The following RNF17 variants were observed in gnomAD, a reference collection of about 807,000 sequenced individuals.
RNF17 encodes the protein spermatogenesis associated 23.
Under a neutral mutation model 200.5 loss-of-function variants are expected in RNF17, and 31 were observed. The ratio of observed to expected loss-of-function variants is 0.15; its 90% CI spans 0.12 to 0.21. The LOEUF (loss-of-function observed/expected upper bound fraction) is 0.21. RNF17 is among the 10% of genes least tolerant of loss of function. The pLI is 1.00. For missense variants in RNF17, 1,628 were observed against 1,905.1 expected (o/e 0.85, Z 2.71); for synonymous variants, 606 against 637.8 (o/e 0.95, Z 0.75).
intron 1 of RNF17, among the ~76,000 whole-genome samples, chr13:24,765,382 C>T (rs1009510194): frequency 2.0e-5 from 3 of 152,204 alleles, no homozygotes; most frequent in Non-Finnish European, 4.4e-5. Flanking sequence ...GTTGTTGAAT[C>T]TCAATTCCTG....
downstream of RNF17, chr13:24,883,087 T>C (rs544135785): frequency 5.3e-5 from 62 of 1,172,982 alleles, no homozygotes; most frequent in African/African-American, 5.6e-4. Flanking sequence ...TCCCCACACA[T>C]ACACAATAAA....
At chr13:24,788,905 A>G (rs955238914) in intron 7 of RNF17, among the ~76,000 whole-genome samples, 1 of 152,178 alleles carries the variant, frequency 6.6e-6, no homozygotes, top group Non-Finnish European at 1.5e-5. Context: ...AAATGAAAGG[A>G]CAATTTGCCA....
intron 34 of RNF17, among the ~76,000 whole-genome samples, chr13:24,877,538 T>C (rs1894986673): frequency 1.3e-5 from 2 of 152,168 alleles, no homozygotes; most frequent in Admixed American, 6.5e-5. Context: ...AACAGAGCTA[T>C]AGCTAACTTT....
intron 25 of RNF17, 148 bp from the exon 26 acceptor site, chr13:24,858,853 A>G (rs1593453381): frequency 1.1e-5 from 6 of 564,594 alleles, no homozygotes; most frequent in Middle Eastern, 4.6e-4. Context: ...TGCTATTACT[A>G]GTATGTTTTA....
chr13:24,777,532 C>T (rs1357205099), intron 3 of RNF17, among the ~76,000 whole-genome samples: 2 of 152,104 alleles, frequency 1.3e-5, no homozygotes, highest in African/African-American at 4.8e-5. Flanking sequence ...ACTCTGGCTT[C>T]TATAGACTAG....
At chr13:24,888,448 T>C in the RNF17 span, among the ~76,000 whole-genome samples, 3 of 152,190 alleles carry the variant, frequency 2.0e-5, no homozygotes, top group African/African-American at 7.2e-5. Context: ...GCTGACTAAA[T>C]GTAAGAAAAC....
intron 2 of RNF17, among the ~76,000 whole-genome samples, chr13:24,770,061 C>T (rs949859940): frequency 6.6e-6 from 1 of 151,906 alleles, no homozygotes; most frequent in Middle Eastern, 3.4e-3. Context: ...ATACATTGGG[C>T]CATGAAGAAA....
chr13:24,804,479 T>A, intron 15 of RNF17, 50 bp downstream of exon 15: 1 of 1,384,668 alleles, frequency 7.2e-7, no homozygotes, highest in Non-Finnish European at 9.9e-7. Context: ...AAATTTTAAT[T>A]AGACATGTAT....
chr13:24,799,472 G>A lies in RNF17; in HGVS notation c.1477G>A (p.Gly493Ser). 1 of 1,609,720 alleles carries A rather than the reference G, an allele frequency of 6.2e-7. No homozygotes were observed. The highest frequency in any genetic ancestry group is 8.5e-7 in the Non-Finnish European group (1 of 1,176,480). Residue 493 changes from glycine to serine, a missense_variant, in exon 12 of 36, where the codon GGT (glycine) becomes AGT (serine). Gly to Ser is a moderately conservative substitution (Grantham distance 56). This residue lies in a region of RNF17 where 289 missense variants were observed against 384.9 expected (regional missense o/e 0.75). Transcript: ENST00000255324. Reference protein sequence around the residue: ...GTITELIPIEGRNTRKPCSPT... With the variant: ...GTITELIPIESRNTRKPCSPT... Reference sequence around the variant, plus strand: ...TATCACAGAATTAATTCCAATAGAGGGTAGAAATACCAGAAAACCTTGTAG... The same window carrying A: ...TATCACAGAATTAATTCCAATAGAGAGTAGAAATACCAGAAAACCTTGTAG...
intron 26 of RNF17, among the ~76,000 whole-genome samples, chr13:24,860,899 A>T (rs1306533283): frequency 6.6e-6 from 1 of 150,522 alleles, no homozygotes; most frequent in African/African-American, 2.4e-5. Flanking sequence ...TTTTTTTGAA[A>T]CAAGTTCTTC....
chr13:24,869,208 G>C (rs1893989800), intron 31 of RNF17, among the ~76,000 whole-genome samples: 1 of 152,238 alleles, frequency 6.6e-6, no homozygotes, highest in East Asian at 1.9e-4. Context: ...GTGAATAAAG[G>C]CACTAAAAGT....
chr13:24,786,291 C>T (rs994371767), intron 6 of RNF17, among the ~76,000 whole-genome samples: 2 of 152,148 alleles, frequency 1.3e-5, no homozygotes, highest in Admixed American at 1.3e-4. Context: ...GCATATAAAA[C>T]CTCTACTGCT....
At position 24,843,727 on chromosome 13, in the gene RNF17, C is replaced by T. The variant is rs190264966; in HGVS notation, c.2604-17C>T. 2.8e-5 allele frequency: 41 copies of T among 1,466,192 alleles called. No homozygotes were observed. The highest frequency in any genetic ancestry group is 1.9e-4 in the Admixed American group (11 of 58,654). 90.8% of individuals were successfully genotyped at this position (1,466,192 alleles called of 1,614,324 possible). On this transcript the variant is annotated splice_polypyrimidine_tract_variant and intron_variant, in intron 19 of 35. Coordinates refer to ENST00000255324, the MANE Select transcript of RNF17 (RefSeq NM_031277.3). The stretch of plus-strand genomic sequence containing the variant: ...TTTTGCATACAGTTCTTTTCATTAA[C>T]TTTTGTTGTTTTTCAGATACATCCT...
At position 24,825,715 on chromosome 13, in the gene RNF17, G is replaced by A. The variant is rs751208540; in HGVS notation, c.2188G>A (p.Asp730Asn). ...TCTGGAAATCCTCTGTCCAGTTCAA[G>A]ATCAAGCCTGTGTAGCTAAATTTGA... Reference protein sequence around the residue: ...ENLEILCPVQDQACVAKFEDG... With the variant: ...ENLEILCPVQNQACVAKFEDG... The change falls in exon 16 of 36, where the codon GAT (aspartate) becomes AAT (asparagine). Residue 730 changes from aspartate (D) to asparagine (N), a missense_variant. Around this residue, in one of 5 missense-constraint regions of RNF17, gnomAD observed 289 missense variants for 384.9 expected, o/e 0.75. Transcript: ENST00000255324. 2 of 1,613,716 alleles carry A rather than the reference G, an allele frequency of 1.2e-6. No individual in the cohort carries two copies. Among genetic ancestry groups the A allele is most frequent in the Non-Finnish European group, 1.7e-6 (2 of 1,179,778 alleles).
upstream of RNF17, among the ~76,000 whole-genome samples, chr13:24,759,386 C>T (rs911971154): frequency 6.6e-6 from 1 of 152,172 alleles, no homozygotes; most frequent in African/African-American, 2.4e-5. Context: ...GATGTAATAA[C>T]TGTAGTAGTT....
chr13:24,864,598 T>G (rs567873190), intron 28 of RNF17, among the ~76,000 whole-genome samples: 1 of 152,314 alleles, frequency 6.6e-6, no homozygotes, highest in South Asian at 2.1e-4. Flanking sequence ...AGGTGATGTA[T>G]TTGGGAATTG....
At chr13:24,870,798 A>G (rs1322524775) in intron 32 of RNF17, 59 bp downstream of exon 32, 15 of 1,401,658 alleles carry the variant, frequency 1.1e-5, no homozygotes, top group Admixed American at 5.5e-5. Context: ...TTTTGTTTCA[A>G]TGGGCTGATG....
the RNF17 span, among the ~76,000 whole-genome samples, chr13:24,750,074 G>T: frequency 6.6e-6 from 1 of 152,080 alleles, no homozygotes; most frequent in Non-Finnish European, 1.5e-5. Flanking sequence ...TTTCACAAGG[G>T]ACTCTGCCTT....
chr13:24,864,332 A>G (rs9511481), intron 28 of RNF17, among the ~76,000 whole-genome samples: 35,138 of 152,110 alleles, frequency 0.23, 4,520 homozygotes, highest in Non-Finnish European at 0.29. Context: ...AGTGAGGAGC[A>G]GTGAGTTTGG....
Sources: gnomAD v4.1 joint callset for allele counts (sites outside exome capture counted in the v4.1 genomes callset) on GRCh38, gnomAD v4.1.1 for gene constraint, gnomAD v4.1.1 regional missense constraint, MANE v1.5 for transcripts, NCBI Gene and HGNC (gene_info 2026-07-23, HGNC 2026-07-21) for gene names.